Variants in FUT9 observed in about 807,000 individuals in gnomAD.
The protein encoded by FUT9 is 4-galactosyl-N-acetylglucosaminide 3-alpha-L-fucosyltransferase 9.
In FUT9, 15 loss-of-function variants were observed where a neutral mutation model predicts 29.7. That is an observed-to-expected ratio of 0.51 (90% CI 0.34 to 0.78). The LOEUF is 0.78. Ranked by LOEUF, FUT9 falls within the 30% of genes least tolerant of loss-of-function variation. The pLI is 0.01. For missense variants in FUT9, 319 were observed against 425.4 expected, an observed-to-expected ratio of 0.75 and a Z score of 2.20; for synonymous variants, 169 against 153.7, an observed-to-expected ratio of 1.10 and a Z score of -0.74.
intron 2 of FUT9, among the ~76,000 whole-genome samples, chr6:96,196,863 G>A (rs1271718200): frequency 1.3e-5 from 2 of 152,086 alleles, no homozygotes; most frequent in Non-Finnish European, 2.9e-5. Context: ...AATCAAATAA[G>A]GTAGGTCAGA....
chr6:96,192,675 CT>C (rs1562159587), intron 2 of FUT9, among the ~76,000 whole-genome samples: 1 of 152,066 alleles, frequency 6.6e-6, no homozygotes, highest in Non-Finnish European at 1.5e-5. Context: ...CTACCAATGA[CT>C]TTCTTCACAG....
chr6:96,147,585 C>G (rs866414825), intron 2 of FUT9, among the ~76,000 whole-genome samples: 6 of 152,028 alleles, frequency 3.9e-5, no homozygotes, highest in Non-Finnish European at 5.9e-5. Flanking sequence ...CTTCAGGATA[C>G]TTATAACTGT....
chr6:96,185,108 G>C (rs1773381692), intron 2 of FUT9, among the ~76,000 whole-genome samples: 2 of 151,756 alleles, frequency 1.3e-5, no homozygotes, highest in African/African-American at 2.4e-5. Flanking sequence ...GAAGTCACAG[G>C]CTAGCTGCTT....
At chr6:96,120,167 G>C (rs888261741) in intron 2 of FUT9, among the ~76,000 whole-genome samples, 10 of 151,006 alleles carry the variant, frequency 6.6e-5, no homozygotes, top group African/African-American at 2.4e-4. Flanking sequence ...TTCTACCATC[G>C]TAGAAGTCTA....
chr6:96,021,789 A>G (rs1233250787), intron 1 of FUT9, among the ~76,000 whole-genome samples: 1 of 152,062 alleles, frequency 6.6e-6, no homozygotes, highest in Non-Finnish European at 1.5e-5. Context: ...GGACTGGACA[A>G]TTACTTTTAT....
intron 2 of FUT9, among the ~76,000 whole-genome samples, chr6:96,154,498 CAG>C (rs1772739577): frequency 6.6e-6 from 1 of 152,050 alleles, no homozygotes; most frequent in Non-Finnish European, 1.5e-5. Flanking sequence ...TTGTGTGAGA[CAG>C]AATGTACATC....
chr6:96,170,194 G>C (rs892314512), intron 2 of FUT9, among the ~76,000 whole-genome samples: 1 of 152,100 alleles, frequency 6.6e-6, no homozygotes, highest in East Asian at 1.9e-4. Context: ...TTGGTGATGT[G>C]AAATAATTCA....
At chr6:96,176,409 C>A (rs1163026133) in intron 2 of FUT9, among the ~76,000 whole-genome samples, 1 of 151,576 alleles carries the variant, frequency 6.6e-6, no homozygotes, top group Non-Finnish European at 1.5e-5. Flanking sequence ...CTATGGGAAA[C>A]CCTAATATGC....
intron 1 of FUT9, among the ~76,000 whole-genome samples, chr6:96,021,840 T>A (rs1770074614): frequency 1.3e-5 from 2 of 150,896 alleles, no homozygotes; most frequent in East Asian, 1.9e-4. Context: ...TTGAAAAAAA[T>A]AATGGCTCCA....
intron 1 of FUT9, among the ~76,000 whole-genome samples, chr6:96,072,963 A>C (rs1207714660): frequency 6.6e-6 from 1 of 152,210 alleles, no homozygotes; most frequent in African/African-American, 2.4e-5. Context: ...ACAGAGAAGA[A>C]GCAGACACTC....
chr6:96,040,395 G>A (rs371609486), intron 1 of FUT9, among the ~76,000 whole-genome samples: 14 of 152,282 alleles, frequency 9.2e-5, no homozygotes, highest in African/African-American at 2.2e-4. Flanking sequence ...AGGCATAAGA[G>A]TGCAAAACCA....
intron 1 of FUT9, among the ~76,000 whole-genome samples, chr6:96,017,825 G>A (rs1481718930): frequency 6.6e-6 from 1 of 152,164 alleles, no homozygotes; most frequent in Non-Finnish European, 1.5e-5. Context: ...GGAGAGAGAT[G>A]TATGCTTCAT....
chr6:96,108,896 A>G (rs1380080590), intron 1 of FUT9, among the ~76,000 whole-genome samples: 1 of 152,010 alleles, frequency 6.6e-6, no homozygotes, highest in Non-Finnish European at 1.5e-5. Flanking sequence ...TTCCACTTCT[A>G]GATTGTGAAG....
chr6:96,037,553 T>A (rs1770384817), intron 1 of FUT9: 1 of 151,958 alleles, frequency 6.6e-6, no homozygotes, highest in Non-Finnish European at 1.5e-5. Context: ...TTGATATGGA[T>A]GAAGTTGGGG....
chr6:96,170,486 T>C (rs1773091684), intron 2 of FUT9, among the ~76,000 whole-genome samples: 1 of 152,104 alleles, frequency 6.6e-6, no homozygotes, highest in Admixed American at 6.6e-5. Context: ...TCCTTTTTTT[T>C]CTTCCAAAAG....
At position 96,213,483 on chromosome 6, in the gene FUT9, T is replaced by G. The variant is rs994177325; in HGVS notation, c.*9248T>G. ...ATGTTTTATTAATGTGATGTAATTTTGCACTATTGTATTGTCATATTTAAT... is the reference window on the plus strand; with the variant it reads ...ATGTTTTATTAATGTGATGTAATTTGGCACTATTGTATTGTCATATTTAAT... On this transcript the variant is annotated 3_prime_UTR_variant, in exon 3 of 3. Coordinates refer to ENST00000302103, the MANE Select transcript of FUT9 (RefSeq NM_006581.4). 1 of 166,910 alleles carries G rather than the reference T, an allele frequency of 6.0e-6. No homozygotes were observed. The highest frequency in any genetic ancestry group is 2.4e-5 in the African/African-American group (1 of 41,454). 10.3% of individuals were successfully genotyped at this position (166,910 alleles called of 1,614,324 possible).
intron 2 of FUT9, among the ~76,000 whole-genome samples, chr6:96,162,353 A>G (rs1228059311): frequency 6.6e-6 from 1 of 152,196 alleles, no homozygotes; most frequent in Admixed American, 6.5e-5. Flanking sequence ...TAGCATATCT[A>G]TCACTTCAAA....
At chr6:96,195,639 T>C (rs1470477862) in intron 2 of FUT9, among the ~76,000 whole-genome samples, 4 of 152,204 alleles carry the variant, frequency 2.6e-5, no homozygotes, top group Admixed American at 6.6e-5. Context: ...TAAAGTTTTA[T>C]AGGACTTTGA....
At chr6:96,164,545 A>G (rs778926872) in intron 2 of FUT9, among the ~76,000 whole-genome samples, 30 of 152,228 alleles carry the variant, frequency 2.0e-4, no homozygotes, top group Non-Finnish European at 4.3e-4. Context: ...GGCGTGAGCC[A>G]CATTATTCCA....
Sources: allele counts gnomAD v4.1 joint callset (sites outside exome capture counted in the v4.1 genomes callset), GRCh38; gene constraint gnomAD v4.1.1; transcripts MANE v1.5; gene names NCBI Gene and HGNC (gene_info 2026-07-23, HGNC 2026-07-21).